The following GPD2 variants were observed in gnomAD, a reference collection of about 807,000 sequenced individuals.
The protein encoded by GPD2 is glycerol-3-phosphate dehydrogenase 2.
Under a neutral mutation model 82.4 loss-of-function variants are expected in GPD2, and 54 were observed. The ratio of observed to expected loss-of-function variants is 0.66; its 90% confidence interval spans 0.53 to 0.82. GPD2 has a LOEUF of 0.82. Among genes scored for constraint, GPD2 ranks in the 40% least tolerant of loss-of-function variants. The pLI is 0.00. For synonymous variants in GPD2, 288 were observed against 306.1 expected (o/e 0.94, Z 0.62); for missense variants, 748 against 896.2 (o/e 0.83, Z 2.11).
chr2:156,478,122 A>G (rs1180122875), intron 2 of GPD2, among the ~76,000 whole-genome samples: 1 of 152,124 alleles, frequency 6.6e-6, no homozygotes, highest in Non-Finnish European at 1.5e-5. Context: ...CTCTCTAATA[A>G]TTGATCTTAA....
chr2:156,535,393 G>A lies in GPD2; in HGVS notation c.662-14215G>A, dbSNP rs1414189557. 8.2e-5 allele frequency among the ~76,000 whole-genome samples: 10 copies of A among 121,366 alleles called. 1 individual carries two copies. In the South Asian group the frequency reaches 1.4e-3, roughly 17 times the overall value. The allele number at this position is 121,366 out of a possible 152,430, so 79.6% of individuals were successfully genotyped here. On this transcript the variant is annotated intron_variant, in intron 6 of 16. Coordinates refer to ENST00000438166, the MANE Select transcript of GPD2 (RefSeq NM_000408.5). ...AGCGAGAAAGAGAAAAAGACCTGGG[G>A]GGGGGCGGGGAGAGAGAGAGACCTA... is the stretch of plus-strand genomic sequence containing the variant.
chr2:156,506,378 AC>A (rs1189387005), intron 3 of GPD2, among the ~76,000 whole-genome samples: 2 of 152,180 alleles, frequency 1.3e-5, no homozygotes, highest in African/African-American at 4.8e-5. Context: ...GCCTGGTTTG[AC>A]AGAGAGGCCC....
intron 3 of GPD2, among the ~76,000 whole-genome samples, chr2:156,502,120 G>T (rs1340915259): frequency 6.6e-6 from 1 of 152,040 alleles, no homozygotes; most frequent in Non-Finnish European, 1.5e-5. Flanking sequence ...GTGTGTGTGT[G>T]TGTGTCTGTG....
At chr2:156,450,665 C>CTTTT (rs776070659) in intron 1 of GPD2, among the ~76,000 whole-genome samples, 7,364 of 71,496 alleles carry the variant, frequency 0.1, 925 homozygotes, top group African/African-American at 0.32. Flanking sequence ...ATAGACAACT[C>CTTTT]TTTTTTTTTT....
At chr2:156,514,898 G>A (rs1304367689) in intron 6 of GPD2, among the ~76,000 whole-genome samples, 3 of 152,098 alleles carry the variant, frequency 2.0e-5, no homozygotes, top group African/African-American at 7.2e-5. Flanking sequence ...TTTATTGGGT[G>A]ATTATAGTAA....
chr2:156,475,728 A>G (rs561281611), intron 1 of GPD2, among the ~76,000 whole-genome samples: 1 of 152,236 alleles, frequency 6.6e-6, no homozygotes, highest in Admixed American at 6.5e-5. Context: ...CCTTGAGGAG[A>G]GGATTAGGTG....
chr2:156,535,915 A>G (rs926719534), intron 6 of GPD2, among the ~76,000 whole-genome samples: 4 of 152,258 alleles, frequency 2.6e-5, no homozygotes, highest in Non-Finnish European at 4.4e-5. Context: ...AGCCAAAGCT[A>G]TAGATAGAAC....
intron 3 of GPD2, among the ~76,000 whole-genome samples, chr2:156,496,537 C>A (rs1398534048): frequency 6.6e-6 from 1 of 152,172 alleles, no homozygotes; most frequent in East Asian, 1.9e-4. Flanking sequence ...GTAGTGAGGA[C>A]ACATTTCTCT....
rs1237708164 is a variant in GPD2, at chr2:156,579,004, A to G, written c.1880+3A>G. ...CTACTGCCTTCAGACATTGACAGGT[A>G]CTTATAATAAGTGTCTATCTATCTC... On this transcript the variant is annotated splice_donor_region_variant and intron_variant, in intron 14 of 16. Coordinates refer to ENST00000438166, the MANE Select transcript of GPD2 (RefSeq NM_000408.5). 1 of 1,574,200 alleles carries G rather than the reference A, an allele frequency of 6.4e-7. No homozygotes were observed.
chr2:156,557,268 A>G (rs941141168), intron 8 of GPD2, 121 bp from the exon 9 acceptor site: 3 of 733,228 alleles, frequency 4.1e-6, no homozygotes, highest in Admixed American at 4.1e-5. Flanking sequence ...AAGTGCAAGT[A>G]ATAGTTCATA....
At chr2:156,502,230 A>AT (rs935097425) in intron 3 of GPD2, among the ~76,000 whole-genome samples, 15 of 152,008 alleles carry the variant, frequency 9.9e-5, no homozygotes, top group Non-Finnish European at 1.8e-4. Flanking sequence ...GTATATGTAA[A>AT]TTTTTTTTAA....
chr2:156,499,891 T>C (rs1040292975), intron 3 of GPD2, among the ~76,000 whole-genome samples: 3 of 151,896 alleles, frequency 2.0e-5, no homozygotes, highest in East Asian at 3.9e-4. Flanking sequence ...ACTAGTAAGA[T>C]GTGGCCTTGA....
At chr2:156,565,400 C>G (rs183596136) in intron 9 of GPD2, among the ~76,000 whole-genome samples, 1 of 152,050 alleles carries the variant, frequency 6.6e-6, no homozygotes, top group Non-Finnish European at 1.5e-5. Context: ...TTTTATATGA[C>G]TGGTAAAATT....
chr2:156,471,852 T>C (rs147445223), intron 1 of GPD2, among the ~76,000 whole-genome samples: 2 of 152,366 alleles, frequency 1.3e-5, no homozygotes, highest in East Asian at 3.9e-4. Context: ...GATTAATTGC[T>C]TGTGGGCAGT....
chr2:156,460,528 G>C (rs1324130351), intron 1 of GPD2, among the ~76,000 whole-genome samples: 1 of 152,224 alleles, frequency 6.6e-6, no homozygotes, highest in Non-Finnish European at 1.5e-5. Context: ...GCTTCACACA[G>C]CTCTTAACTT....
At chr2:156,485,771 C>T (rs1352462262) in intron 2 of GPD2, among the ~76,000 whole-genome samples, 1 of 152,210 alleles carries the variant, frequency 6.6e-6, no homozygotes, top group African/African-American at 2.4e-5. Flanking sequence ...TGGATCATTT[C>T]TACTCCACTG....
At chr2:156,553,172 G>A (rs1573994128) in intron 8 of GPD2, among the ~76,000 whole-genome samples, 1 of 152,166 alleles carries the variant, frequency 6.6e-6, no homozygotes, top group African/African-American at 2.4e-5. Context: ...ACAGACGTGA[G>A]CCACTGTGCC....
At chr2:156,574,443 G>A (rs1687745528) in intron 13 of GPD2, among the ~76,000 whole-genome samples, 1 of 152,114 alleles carries the variant, frequency 6.6e-6, no homozygotes, top group Non-Finnish European at 1.5e-5. Flanking sequence ...GGGTAGGAAG[G>A]GAGCTAGTAC....
At chr2:156,466,305 G>A (rs1039669672) in intron 1 of GPD2, among the ~76,000 whole-genome samples, 4 of 152,152 alleles carry the variant, frequency 2.6e-5, no homozygotes, top group African/African-American at 7.2e-5. Flanking sequence ...ACTAACTATA[G>A]TTCTTTATGA....
Sources: gnomAD v4.1 joint callset for allele counts (sites outside exome capture counted in the v4.1 genomes callset) on GRCh38, gnomAD v4.1.1 for gene constraint, MANE v1.5 for transcripts, NCBI Gene and HGNC (gene_info 2026-07-23, HGNC 2026-07-21) for gene names.